The following SH3PXD2A variants were observed in gnomAD, a reference collection of about 807,000 sequenced individuals.
The protein encoded by SH3PXD2A is SH3 and PX domains 2A.
A neutral mutation model predicts 115.2 loss-of-function variants in SH3PXD2A; 32 were observed. That is an observed-to-expected ratio of 0.28 (90% CI 0.21 to 0.37). The LOEUF (loss-of-function observed/expected upper bound fraction) is 0.37, where lower values mean the gene tolerates loss of function less well. SH3PXD2A is among the 10% of genes least tolerant of loss of function. The pLI is 1.00. For missense variants in SH3PXD2A, 1,328 were observed against 1,498.7 expected (o/e 0.89, Z 1.88); for synonymous variants, 610 against 629.1 (o/e 0.97, Z 0.45).
chr10:103,809,914 C>T (rs1433489088), intron 1 of SH3PXD2A, among the ~76,000 whole-genome samples: 1 of 151,672 alleles, frequency 6.6e-6, no homozygotes, highest in Non-Finnish European at 1.5e-5. Context: ...GTCTTGAACT[C>T]CTGATCTCAG....
In SH3PXD2A at chr10:103,756,117, G is replaced by A. The variant is rs187518232; in HGVS notation, c.229+10977C>T. Among the ~76,000 whole-genome samples, 117 of 152,354 alleles carry A rather than the reference G, an allele frequency of 7.7e-4. No individual in the cohort carries two copies. The highest frequency in any genetic ancestry group is 2.6e-3 in the African/African-American group (110 of 41,592). On this transcript the variant is annotated intron_variant, in intron 3 of 14. Transcript: ENST00000369774. This position sits in a 1 kb window ranked among gnomAD's most constrained non-coding sequence, Gnocchi z 4.4. ...CCTGGCATCCTGGGGCCTCCTCAGT[G>A]GACATCAGTCCTGGGAACTGTGGAG...
intron 2 of SH3PXD2A, among the ~76,000 whole-genome samples, chr10:103,771,766 CACACACACACACACAG>C (rs2038824204): frequency 6.6e-6 from 1 of 151,836 alleles, no homozygotes; most frequent in South Asian, 2.1e-4. Flanking sequence ...CACACACACA[CACACACACACACACAG>C]ACACACACAT....
Position 103,594,071 on chromosome 10 carries a change from A to G in SH3PXD2A, c.*7745T>C, listed in dbSNP as rs1041185193. ...AACTTTATTTAGTTTTCAGGGAAAT[A>G]TAAGATGCATGTAAACATAAAATAC... On this transcript the variant is annotated 3_prime_UTR_variant, in exon 15 of 15. Transcript: ENST00000369774. 3.9e-5 allele frequency: 6 copies of G among 152,598 alleles called. No individual in the cohort carries two copies. Among genetic ancestry groups the G allele is most frequent in the Non-Finnish European group, 8.8e-5 (6 of 68,046 alleles). The allele number at this position is 152,598 out of a possible 1,614,324, so 9.5% of individuals were successfully genotyped here.
chr10:103,701,503 T>TCATC (rs1297699050), intron 5 of SH3PXD2A, among the ~76,000 whole-genome samples: 5 of 102,232 alleles, frequency 4.9e-5, no homozygotes, highest in African/African-American at 7.7e-5. Context: ...ATCCATCCAT[T>TCATC]CATCCATCCA....
At chr10:103,606,048 G>C in intron 13 of SH3PXD2A, 131 bp from the exon 14 acceptor site, 1 of 833,318 alleles carries the variant, frequency 1.2e-6, no homozygotes, top group African/African-American at 1.7e-5. Flanking sequence ...CAGCTGGCCT[G>C]AGTACGTATC....
intron 8 of SH3PXD2A, among the ~76,000 whole-genome samples, chr10:103,647,585 G>T (rs1448794767): frequency 6.6e-6 from 1 of 152,178 alleles, no homozygotes; most frequent in Non-Finnish European, 1.5e-5. Context: ...AGCCTCACTT[G>T]GTGCTTGCAC....
intron 3 of SH3PXD2A, among the ~76,000 whole-genome samples, chr10:103,742,954 C>G (rs567888205): frequency 4.3e-4 from 65 of 151,704 alleles, no homozygotes; most frequent in South Asian, 2.5e-3. Context: ...TCCCTCCCCC[C>G]CTCAAGGGTG....
intron 3 of SH3PXD2A, among the ~76,000 whole-genome samples, chr10:103,736,464 G>A (rs1251325504): frequency 2.0e-5 from 3 of 152,240 alleles, no homozygotes; most frequent in African/African-American, 7.2e-5. Flanking sequence ...TCCCAAGCTG[G>A]CCACATTCAA....
chr10:103,853,397 T>G (rs1252420654), intron 1 of SH3PXD2A, among the ~76,000 whole-genome samples: 1 of 152,264 alleles, frequency 6.6e-6, no homozygotes, highest in Non-Finnish European at 1.5e-5. Flanking sequence ...CTAAGTGCTT[T>G]ACATAGATGA....
At chr10:103,607,294 C>A (rs1276947696) in intron 13 of SH3PXD2A, among the ~76,000 whole-genome samples, 1 of 151,692 alleles carries the variant, frequency 6.6e-6, no homozygotes, top group East Asian at 1.9e-4. Context: ...AGCCCCTCCG[C>A]CCGGCAGCCG....
chr10:103,849,328 C>G (rs1350709401), intron 1 of SH3PXD2A, among the ~76,000 whole-genome samples: 1 of 152,252 alleles, frequency 6.6e-6, no homozygotes, highest in East Asian at 1.9e-4. Context: ...AATAAAAACA[C>G]CTACCTAACC....
At chr10:103,751,050 A>G (rs1054726253) in intron 3 of SH3PXD2A, among the ~76,000 whole-genome samples, 3 of 152,220 alleles carry the variant, frequency 2.0e-5, no homozygotes, top group Non-Finnish European at 2.9e-5. Flanking sequence ...CCCCAGACCA[A>G]TAGAATGCAG....
Position 103,611,645 on chromosome 10 carries a change from A to T in SH3PXD2A, c.1259-15T>A. On this transcript the variant is annotated splice_polypyrimidine_tract_variant and intron_variant, in intron 12 of 14. Transcript: ENST00000369774. Reference sequence around the variant, plus strand: ...GTTCGGGGAGCCTAGAGGAAGAGACATGGCTTCAGAAATCCTAGTCAGACG... The same window carrying T: ...GTTCGGGGAGCCTAGAGGAAGAGACTTGGCTTCAGAAATCCTAGTCAGACG... 1.2e-6 allele frequency: 2 copies of T among 1,611,970 alleles called. No individual in the cohort carries two copies. Among genetic ancestry groups the T allele is most frequent in the Non-Finnish European group, 1.7e-6 (2 of 1,177,982 alleles).
intron 3 of SH3PXD2A, 134 bp from the exon 4 acceptor site, chr10:103,735,942 A>G (rs1564876417): frequency 1.3e-6 from 1 of 771,602 alleles, no homozygotes; most frequent in African/African-American, 1.7e-5. Context: ...GGTCAAGGAA[A>G]CAAGAGAGAA....
At chr10:103,745,775 T>C (rs1008020825) in intron 3 of SH3PXD2A, among the ~76,000 whole-genome samples, 2 of 151,722 alleles carry the variant, frequency 1.3e-5, no homozygotes, top group Admixed American at 1.3e-4. Flanking sequence ...ACCCAACCCA[T>C]AAACACATCT....
At position 103,603,269 on chromosome 10, in the gene SH3PXD2A, A is replaced by G. The variant is rs1159095161; in HGVS notation, c.1949T>C (p.Leu650Pro). The change falls in exon 15 of 15, where the codon CTG (leucine) becomes CCG (proline). Residue 650 changes from leucine (L) to proline (P), a missense_variant. Leu to Pro is a moderately conservative substitution (Grantham distance 98). This residue lies in a region of SH3PXD2A where 574 missense variants were observed against 565.7 expected (regional missense o/e 1.01). Coordinates refer to ENST00000369774, the MANE Select transcript of SH3PXD2A (RefSeq NM_001394015.1). ...GGGGGAGTTTTTCCTGGTCAGGGAC[A>G]GCGAGGAGCTGCCTGGGGAGTCGCT... ...GDSDSPGSSSLSLTRKNSPKS... is the reference protein window; with the variant it reads ...GDSDSPGSSSPSLTRKNSPKS... 1 of 1,614,016 alleles carries G rather than the reference A, an allele frequency of 6.2e-7. No homozygotes were observed.
At chr10:103,783,144 A>G (rs900712623) in intron 2 of SH3PXD2A, among the ~76,000 whole-genome samples, 1 of 152,152 alleles carries the variant, frequency 6.6e-6, no homozygotes, top group East Asian at 1.9e-4. Context: ...AGGGTGACAG[A>G]GATGGGTCTG....
intron 8 of SH3PXD2A, among the ~76,000 whole-genome samples, chr10:103,656,828 C>CAAA (rs10692439): frequency 0.019 from 2,154 of 111,760 alleles, 39 homozygotes; most frequent in Middle Eastern, 0.05. Context: ...AACTCCATCT[C>CAAA]AAAAAAAAAA....
At position 103,596,561 on chromosome 10, in the gene SH3PXD2A, TG is replaced by T. The variant is rs2036134651; in HGVS notation, c.*5254del. ...AAGGACTTGTTCAATGGAGACAGCT[TG>T]CCTGGTATTTTTTTTTCTCTAACCC... On this transcript the variant is annotated 3_prime_UTR_variant, in exon 15 of 15. Coordinates refer to ENST00000369774, the MANE Select transcript of SH3PXD2A (RefSeq NM_001394015.1). The T allele has an allele frequency of 6.6e-6, 1 of 152,402 alleles. No homozygotes were observed. The highest frequency in any genetic ancestry group is 2.4e-5 in the African/African-American group (1 of 41,348). The allele number at this position is 152,402 out of a possible 1,614,324, so 9.4% of individuals were successfully genotyped here.
Sources: allele counts gnomAD v4.1 joint callset (sites outside exome capture counted in the v4.1 genomes callset), GRCh38; gene constraint gnomAD v4.1.1; regional missense constraint gnomAD v4.1.1; non-coding constraint Gnocchi (gnomAD v3.1); transcripts MANE v1.5; gene names NCBI Gene and HGNC (gene_info 2026-07-23, HGNC 2026-07-21).